Variants in AGBL4 observed in about 807,000 individuals in gnomAD.
AGBL4 encodes the protein AGBL carboxypeptidase 4.
Under a neutral mutation model 66.4 loss-of-function variants are expected in AGBL4, and 58 were observed. The ratio of observed to expected loss-of-function variants is 0.87; its 90% CI spans 0.71 to 1.09. AGBL4 has a LOEUF of 1.09. Among genes scored for constraint, AGBL4 ranks in the 50% least tolerant of loss-of-function variants. The pLI is 0.00. For missense variants in AGBL4, 579 were observed against 631.0 expected (o/e 0.92, Z 0.88); for synonymous variants, 234 against 222.9 (o/e 1.05, Z -0.44).
chr1:49,477,293 C>T (rs1427082474), intron 3 of AGBL4, among the ~76,000 whole-genome samples: 1 of 152,058 alleles, frequency 6.6e-6, no homozygotes, highest in Non-Finnish European at 1.5e-5. Flanking sequence ...CAGGTTTGAC[C>T]CAGCACAGTC....
At chr1:48,768,069 C>T (rs1644617797) in intron 6 of AGBL4, among the ~76,000 whole-genome samples, 1 of 152,174 alleles carries the variant, frequency 6.6e-6, no homozygotes, top group African/African-American at 2.4e-5. Context: ...CATTTCAAAT[C>T]AAGTCTGTTT....
intron 1 of AGBL4, among the ~76,000 whole-genome samples, chr1:50,005,551 A>C (rs757727463): frequency 6.6e-6 from 1 of 152,204 alleles, no homozygotes; most frequent in Admixed American, 6.5e-5. Flanking sequence ...ACAAGCTCAG[A>C]CTGCAAAGAC....
At chr1:49,421,516 T>C (rs1385608908) in intron 3 of AGBL4, among the ~76,000 whole-genome samples, 2 of 152,130 alleles carry the variant, frequency 1.3e-5, no homozygotes, top group African/African-American at 4.8e-5. Context: ...TTTCAATGTT[T>C]GTTATCAAGC....
At chr1:49,785,784 G>T (rs1396919466) in intron 2 of AGBL4, among the ~76,000 whole-genome samples, 1 of 150,734 alleles carries the variant, frequency 6.6e-6, no homozygotes, top group Non-Finnish European at 1.5e-5. Context: ...AACAACCTAG[G>T]CTAGAAAAAA....
At position 49,379,846 on chromosome 1, in the gene AGBL4, T is replaced by C. The variant is rs188158215; in HGVS notation, c.283-133982A>G. Among the ~76,000 whole-genome samples, 680 of 152,176 alleles carry C rather than the reference T, an allele frequency of 4.5e-3. 8 individuals are homozygous for C. Among genetic ancestry groups the C allele is most frequent in the Non-Finnish European group, 8.3e-3 (567 of 68,000 alleles). On this transcript the variant is annotated intron_variant, in intron 3 of 13. Coordinates refer to ENST00000371839, the MANE Select transcript of AGBL4 (RefSeq NM_032785.4). ...GATATTGGTCTAAAATTCTCTTTTTTGGTTGTGTCTCTGCCCGGCTTTGGT... is the reference window on the plus strand; with the variant it reads ...GATATTGGTCTAAAATTCTCTTTTTCGGTTGTGTCTCTGCCCGGCTTTGGT...
intron 3 of AGBL4, among the ~76,000 whole-genome samples, chr1:49,688,695 T>A (rs1646830712): frequency 6.6e-6 from 1 of 152,286 alleles, no homozygotes; most frequent in Non-Finnish European, 1.5e-5. Flanking sequence ...CCACTCACAA[T>A]GTATGAGGGT....
At chr1:48,659,027 T>C (rs1646065338) in intron 7 of AGBL4, among the ~76,000 whole-genome samples, 1 of 152,120 alleles carries the variant, frequency 6.6e-6, no homozygotes, top group African/African-American at 2.4e-5. Context: ...GAGACCTCGA[T>C]CTAGTCCCCA....
chr1:49,841,895 C>T, intron 2 of AGBL4: 2 of 630,096 alleles, frequency 3.2e-6, no homozygotes, highest in Non-Finnish European at 5.8e-6. Flanking sequence ...GGCATGACCC[C>T]TGGGCTGCCT....
intron 6 of AGBL4, 42 bp downstream of exon 6, chr1:48,867,149 A>C: frequency 6.2e-7 from 1 of 1,604,832 alleles, no homozygotes; most frequent in Non-Finnish European, 8.5e-7. Context: ...ATCATTCAAG[A>C]AATAAGGGAA....
intron 4 of AGBL4, among the ~76,000 whole-genome samples, chr1:49,142,988 T>G (rs2148100052): frequency 6.6e-6 from 1 of 152,252 alleles, no homozygotes; most frequent in South Asian, 2.1e-4. Flanking sequence ...ATCTAGGTAT[T>G]TTAATTCCTT....
intron 3 of AGBL4, among the ~76,000 whole-genome samples, chr1:49,431,075 T>A (rs965850244): frequency 6.6e-6 from 1 of 152,178 alleles, no homozygotes; most frequent in Non-Finnish European, 1.5e-5. Context: ...CATGGACATA[T>A]AATAAATAGT....
chr1:49,693,316 C>T (rs1312888207), intron 3 of AGBL4, among the ~76,000 whole-genome samples: 3 of 152,092 alleles, frequency 2.0e-5, no homozygotes, highest in Non-Finnish European at 4.4e-5. Flanking sequence ...GGTAACATTT[C>T]CTGCATCAAG....
chr1:49,010,902 C>G (rs1337119351), intron 5 of AGBL4, among the ~76,000 whole-genome samples: 1 of 151,736 alleles, frequency 6.6e-6, no homozygotes, highest in African/African-American at 2.4e-5. Flanking sequence ...AAGACTTAAA[C>G]GTTAGACCTA....
At chr1:48,859,194 A>T (rs1647284862) in intron 6 of AGBL4, among the ~76,000 whole-genome samples, 1 of 152,002 alleles carries the variant, frequency 6.6e-6, no homozygotes, top group Non-Finnish European at 1.5e-5. Flanking sequence ...TTCCCAGCTT[A>T]TTATTTCTGG....
intron 5 of AGBL4, among the ~76,000 whole-genome samples, chr1:48,998,958 C>T (rs1661204596): frequency 6.6e-6 from 1 of 152,102 alleles, no homozygotes; most frequent in Non-Finnish European, 1.5e-5. Flanking sequence ...CCACATGTAC[C>T]CAGAAGCAGA....
intron 3 of AGBL4, among the ~76,000 whole-genome samples, chr1:49,557,546 A>T (rs1643934277): frequency 6.6e-6 from 1 of 152,112 alleles, no homozygotes; most frequent in South Asian, 2.1e-4. Context: ...AAACTGGACC[A>T]AACTCAGCTG....
chr1:49,999,769 T>C (rs888178894), intron 1 of AGBL4, among the ~76,000 whole-genome samples: 1 of 152,008 alleles, frequency 6.6e-6, no homozygotes, highest in Admixed American at 6.6e-5. Flanking sequence ...AATAAATCCA[T>C]ATACATATAG....
chr1:48,894,201 A>T (rs3121522), intron 5 of AGBL4, among the ~76,000 whole-genome samples: 51,734 of 152,146 alleles, frequency 0.34, 9,288 homozygotes, highest in East Asian at 0.71. Context: ...AAGGAAGTTT[A>T]TCAAAGCACA....
intron 6 of AGBL4, among the ~76,000 whole-genome samples, chr1:48,809,370 C>T (rs571053457): frequency 2.0e-4 from 30 of 152,178 alleles, no homozygotes; most frequent in Non-Finnish European, 3.8e-4. Context: ...TATAAACAGG[C>T]AGCACCCTTG....
Sources: allele counts gnomAD v4.1 joint callset (sites outside exome capture counted in the v4.1 genomes callset), GRCh38; gene constraint gnomAD v4.1.1; transcripts MANE v1.5; gene names NCBI Gene and HGNC (gene_info 2026-07-23, HGNC 2026-07-21).